The following MARCHF1 variants were observed in gnomAD, a reference collection of about 807,000 sequenced individuals.
MARCHF1 encodes the protein E3 ubiquitin-protein ligase MARCHF1.
MARCHF1 carries 40 observed loss-of-function variants against 54.2 expected under a neutral mutation model. The ratio of observed to expected loss-of-function variants is 0.74; its 90% CI spans 0.57 to 0.96. The LOEUF is 0.96. Ranked by LOEUF, MARCHF1 falls within the 40% of genes least tolerant of loss-of-function variation. The pLI, the probability that MARCHF1 is intolerant of heterozygous loss-of-function variation, is 0.00. For missense variants in MARCHF1, 586 were observed against 656.5 expected (o/e 0.89, Z 1.17); for synonymous variants, 236 against 236.3 (o/e 1.00, Z 0.01).
At chr4:164,160,858 A>T (rs1730214127) in intron 1 of MARCHF1, among the ~76,000 whole-genome samples, 1 of 152,202 alleles carries the variant, frequency 6.6e-6, no homozygotes, top group Non-Finnish European at 1.5e-5. Context: ...CAGAAGACAG[A>T]CCACACAATT....
At chr4:163,728,512 C>A (rs1561044316) in intron 4 of MARCHF1, among the ~76,000 whole-genome samples, 2 of 152,090 alleles carry the variant, frequency 1.3e-5, no homozygotes, top group Non-Finnish European at 2.9e-5. Context: ...TCTTCCCCCC[C>A]ATACTTTTGT....
At chr4:164,037,122 GGTTGA>G (rs1180300546) in intron 2 of MARCHF1, among the ~76,000 whole-genome samples, 1 of 152,120 alleles carries the variant, frequency 6.6e-6, no homozygotes, top group Non-Finnish European at 1.5e-5. Flanking sequence ...GAAGAGTAGA[GGTTGA>G]GCAGTTCTGA....
intron 3 of MARCHF1, among the ~76,000 whole-genome samples, chr4:163,922,576 G>T (rs1187655660): frequency 6.6e-6 from 1 of 152,148 alleles, no homozygotes; most frequent in African/African-American, 2.4e-5. Context: ...TACAGCTATT[G>T]TAATTTACAA....
intron 7 of MARCHF1, among the ~76,000 whole-genome samples, chr4:163,595,290 C>A (rs1435362947): frequency 2.0e-5 from 3 of 151,738 alleles, no homozygotes; most frequent in Admixed American, 2.0e-4. Context: ...GGCAGAAGGA[C>A]TGCTTGAGCT....
chr4:163,733,165 CTCTG>C (rs1261418881), intron 4 of MARCHF1, among the ~76,000 whole-genome samples: 25 of 85,524 alleles, frequency 2.9e-4, no homozygotes, highest in African/African-American at 9.7e-4. Flanking sequence ...CTCTCTCTCT[CTCTG>C]TATGTGTGTA....
At chr4:163,961,000 G>A (rs1223684412) in intron 3 of MARCHF1, among the ~76,000 whole-genome samples, 4 of 151,776 alleles carry the variant, frequency 2.6e-5, no homozygotes, top group Non-Finnish European at 5.9e-5. Flanking sequence ...TGCATGTGGA[G>A]AGTTCCCTGA....
intron 4 of MARCHF1, among the ~76,000 whole-genome samples, chr4:163,798,163 C>T: frequency 6.6e-6 from 1 of 152,096 alleles, no homozygotes; most frequent in East Asian, 1.9e-4. Flanking sequence ...AGTATGGAAC[C>T]TGATCCAATA....
intron 1 of MARCHF1, among the ~76,000 whole-genome samples, chr4:164,146,173 G>A (rs1389712197): frequency 1.4e-5 from 2 of 143,490 alleles, no homozygotes; most frequent in African/African-American, 5.4e-5. Context: ...AAATAAAAGA[G>A]GATACAAACA....
rs1741412590 is a variant in MARCHF1, at chr4:163,613,380, G to A, written c.176C>T (p.Thr59Ile). 6.2e-7 allele frequency: 1 copy of A among 1,613,316 alleles called. No individual in the cohort carries two copies. Among genetic ancestry groups the A allele is most frequent in the East Asian group, 2.2e-5 (1 of 44,856 alleles). Residue 59 changes from threonine to isoleucine, a missense_variant, in exon 6 of 10, where the codon ACA becomes ATA. Thr to Ile is a moderately conservative substitution (Grantham distance 89, BLOSUM62 -1). Around this residue, in one of 3 missense-constraint regions of MARCHF1, gnomAD observed 387 missense variants for 394.6 expected, o/e 0.98. Coordinates refer to ENST00000514618, the MANE Select transcript of MARCHF1 (RefSeq NM_001394959.1). ...CTGGCTCCTGGGAGCTGTCCCTGTT[G>A]TTGGGCTGCTTGCCTGGAGAAACAA... ...SSNISKASSPTTGTAPRSQSR... is the reference protein window; with the variant it reads ...SSNISKASSPITGTAPRSQSR...
intron 5 of MARCHF1, among the ~76,000 whole-genome samples, chr4:163,623,636 T>C (rs796144976): frequency 1.3e-5 from 2 of 152,342 alleles, no homozygotes; most frequent in African/African-American, 4.8e-5. Context: ...TTCTAAGAGA[T>C]ACTTTGGATA....
chr4:163,611,033 T>C (rs1741322751), intron 7 of MARCHF1, among the ~76,000 whole-genome samples: 1 of 152,074 alleles, frequency 6.6e-6, no homozygotes, highest in Admixed American at 6.6e-5. Flanking sequence ...TCTCCCACAA[T>C]AGGTGAAGCT....
chr4:163,782,608 G>T (rs888703831), intron 4 of MARCHF1, among the ~76,000 whole-genome samples: 1 of 147,202 alleles, frequency 6.8e-6, no homozygotes, highest in Non-Finnish European at 1.5e-5. Flanking sequence ...GGGAGAGGTT[G>T]CAGGGAGCAG....
At chr4:163,815,864 C>T (rs898582558) in intron 4 of MARCHF1, among the ~76,000 whole-genome samples, 2 of 152,058 alleles carry the variant, frequency 1.3e-5, no homozygotes, top group Non-Finnish European at 2.9e-5. Context: ...ATGAACCAAC[C>T]AACCAAATGA....
chr4:163,706,028 A>G (rs531382070), intron 4 of MARCHF1, among the ~76,000 whole-genome samples: 1 of 152,218 alleles, frequency 6.6e-6, no homozygotes, highest in South Asian at 2.1e-4. Context: ...AAAATCCATT[A>G]TCTCTTGCTT....
At chr4:163,858,421 A>T (rs571843068) in intron 3 of MARCHF1, among the ~76,000 whole-genome samples, 2 of 152,092 alleles carry the variant, frequency 1.3e-5, no homozygotes, top group Non-Finnish European at 2.9e-5. Context: ...TGCAGTTATG[A>T]TTAAGCTGAA....
At chr4:163,906,258 A>T (rs1374695180) in intron 3 of MARCHF1, among the ~76,000 whole-genome samples, 2 of 151,988 alleles carry the variant, frequency 1.3e-5, no homozygotes, top group Non-Finnish European at 2.9e-5. Context: ...ACAGAGAATT[A>T]AGCATTTCCC....
chr4:164,287,631 A>G (rs1443729979), intron 1 of MARCHF1, among the ~76,000 whole-genome samples: 1 of 152,194 alleles, frequency 6.6e-6, no homozygotes, highest in Non-Finnish European at 1.5e-5. Flanking sequence ...AGTATCTCTC[A>G]CTTCAGGAGG....
intron 1 of MARCHF1, among the ~76,000 whole-genome samples, chr4:164,369,518 G>T (rs1730974346): frequency 6.6e-6 from 1 of 152,004 alleles, no homozygotes; most frequent in African/African-American, 2.4e-5. Flanking sequence ...ACTGCCAACT[G>T]CATGCTGTAT....
At chr4:163,698,225 G>C (rs1744695115) in intron 5 of MARCHF1, among the ~76,000 whole-genome samples, 1 of 151,964 alleles carries the variant, frequency 6.6e-6, no homozygotes, top group South Asian at 2.1e-4. Flanking sequence ...CAAAATTAAG[G>C]AAAAAATCTT....
Sources: allele counts gnomAD v4.1 joint callset (sites outside exome capture counted in the v4.1 genomes callset), GRCh38; gene constraint gnomAD v4.1.1; regional missense constraint gnomAD v4.1.1; transcripts MANE v1.5; gene names NCBI Gene and HGNC (gene_info 2026-07-23, HGNC 2026-07-21).